FAM234A: variants seen among roughly 807,000 people sequenced by gnomAD.
The protein encoded by FAM234A is protein FAM234A.
In FAM234A, 42 loss-of-function variants were observed where a neutral mutation model predicts 49.1. That is an observed-to-expected ratio of 0.86 (90% CI 0.67 to 1.11). FAM234A has a LOEUF of 1.11. Among genes scored for constraint, FAM234A ranks in the 50% least tolerant of loss-of-function variants. FAM234A has a pLI of 0.00. For missense variants in FAM234A, 815 were observed against 745.2 expected (o/e 1.09, Z -1.09); for synonymous variants, 369 against 316.2 (o/e 1.17, Z -1.77).
At chr16:247,213 C>T (rs1438285986) in intron 1 of FAM234A, 3 of 152,014 alleles carry the variant, frequency 2.0e-5, no homozygotes, top group Non-Finnish European at 2.9e-5. Context: ...TCATTGCAGC[C>T]TCCACTTCCT....
chr16:261,946 G>T, intron 6 of FAM234A, 147 bp from the exon 7 acceptor site: 1 of 1,106,800 alleles, frequency 9.0e-7, no homozygotes. Context: ...CCATTGTAGA[G>T]TGCCCCGCCC....
At chr16:267,880 G>A (rs1283438775), downstream of FAM234A, among the ~76,000 whole-genome samples, 25 of 107,066 alleles carry the variant, frequency 2.3e-4, no homozygotes, top group Middle Eastern at 0.013. Flanking sequence ...CATCCTACAC[G>A]ACACATGCAC....
chr16:237,951 G>C (rs113188686), intron 1 of FAM234A, among the ~76,000 whole-genome samples: 1 of 151,848 alleles, frequency 6.6e-6, no homozygotes, highest in African/African-American at 2.4e-5. Context: ...TGATCCTCCC[G>C]CCTCGGCCTC....
intron 1 of FAM234A, among the ~76,000 whole-genome samples, chr16:236,929 A>G (rs148914514): frequency 6.6e-6 from 1 of 150,696 alleles, no homozygotes; most frequent in Non-Finnish European, 1.5e-5. Context: ...ATAAATAAAT[A>G]AATTATTTTG....
rs181643629 is a variant in FAM234A at position 241,350 on chromosome 16, G to C, written c.-140+6493G>C. ...TCATTCTAGCACTTCGGGAGGCAGA[G>C]GTGGGAGGATCACATGAACCCAGGA... is the stretch of plus-strand genomic sequence containing the variant. On this transcript the variant is annotated intron_variant, in intron 1 of 12. Coordinates refer to ENST00000399932, the MANE Select transcript of FAM234A (RefSeq NM_032039.4). 2.4e-3 allele frequency among the ~76,000 whole-genome samples: 358 copies of C among 152,214 alleles called. 1 individual carries two copies. Among genetic ancestry groups the C allele is most frequent in the African/African-American group, 7.8e-3 (323 of 41,546 alleles).
At chr16:241,092 G>A (rs1223394745) in intron 1 of FAM234A, among the ~76,000 whole-genome samples, 1 of 151,784 alleles carries the variant, frequency 6.6e-6, no homozygotes, top group Non-Finnish European at 1.5e-5. Flanking sequence ...GCTAGTTTTT[G>A]TATTTTTTTG....
intron 2 of FAM234A, among the ~76,000 whole-genome samples, chr16:250,222 C>T (rs970466917): frequency 2.6e-5 from 4 of 152,238 alleles, no homozygotes; most frequent in East Asian, 1.9e-4. Flanking sequence ...TGAGCCACCG[C>T]GCCCGGCCAG....
intron 6 of FAM234A, among the ~76,000 whole-genome samples, chr16:261,802 G>A (rs1462523137): frequency 6.6e-6 from 1 of 152,214 alleles, no homozygotes; most frequent in Non-Finnish European, 1.5e-5. Context: ...CACCTGTGAG[G>A]CACTGGGGCT....
Position 262,467 on chromosome 16 carries a change from G to A in FAM234A, c.885G>A (p.Lys295=), listed in dbSNP as rs1318602718. ...GCTCTGTGAAGGGTCTCTACGAGAA[G>A]GTGACCGGGAGCGGCGGCCCGTTCA... ...CGCSVKGLYE[K]VTGSGGPFKS... is the part of the protein sequence containing the mutation. Residue 295 remains lysine (K), a synonymous_variant, in exon 8 of 13, where the codon AAG becomes AAA. Coordinates refer to ENST00000399932, the MANE Select transcript of FAM234A (RefSeq NM_032039.4). 3 of 1,612,336 alleles carry A rather than the reference G, an allele frequency of 1.9e-6. No individual in the cohort carries two copies. The highest frequency in any genetic ancestry group is 2.5e-6 in the Non-Finnish European group (3 of 1,179,150).
intron 2 of FAM234A, among the ~76,000 whole-genome samples, chr16:252,026 T>C (rs1187651532): frequency 3.0e-5 from 4 of 132,978 alleles, no homozygotes; most frequent in Non-Finnish European, 6.4e-5. Flanking sequence ...AAAAAAGAGA[T>C]GGGTCTCTCT....
At chr16:244,264 G>T (rs139780688) in intron 1 of FAM234A, among the ~76,000 whole-genome samples, 5 of 152,218 alleles carry the variant, frequency 3.3e-5, no homozygotes, top group African/African-American at 9.6e-5. Context: ...CACCGCGCCC[G>T]GTCGGAAAAT....
intron 3 of FAM234A, among the ~76,000 whole-genome samples, chr16:255,815 C>T (rs944726251): frequency 9.9e-5 from 15 of 152,264 alleles, no homozygotes; most frequent in African/African-American, 3.6e-4. Flanking sequence ...AGGCATGCAC[C>T]ACCACGCCCA....
chr16:252,178 G>GTTTTTTTTT (rs1368906456), intron 2 of FAM234A, among the ~76,000 whole-genome samples: 2 of 126,060 alleles, frequency 1.6e-5, no homozygotes, highest in Non-Finnish European at 3.2e-5. Context: ...CTGTTTTTCT[G>GTTTTTTTTT]TTTTTTGTTT....
chr16:242,377 C>G (rs1319262245), intron 1 of FAM234A, among the ~76,000 whole-genome samples: 1 of 152,060 alleles, frequency 6.6e-6, no homozygotes, highest in East Asian at 1.9e-4. Context: ...AACATACCCA[C>G]CTAATTTTGT....
Position 264,859 on chromosome 16 carries a change from G to A in FAM234A, c.1496G>A (p.Gly499Asp). The change falls in exon 13 of 13, where the codon GGC becomes GAC. Residue 499 changes from glycine to aspartate, a missense_variant. Coordinates refer to ENST00000399932, the MANE Select transcript of FAM234A (RefSeq NM_032039.4). ...CACGCCGCCTACATCCTTCTGACAG[G>A]CCCGGCAGACTCAGAGGCACCCGGC... ...SRHAAYILLTGPADSEAPGLV... is the reference protein window; with the variant it reads ...SRHAAYILLTDPADSEAPGLV... 6.2e-7 allele frequency: 1 copy of A among 1,612,086 alleles called. No homozygotes were observed. The highest frequency in any genetic ancestry group is 8.5e-7 in the Non-Finnish European group (1 of 1,179,930).
rs942003399 is a variant in FAM234A at position 265,709 on chromosome 16, C to G, written c.*687C>G. On this transcript the variant is annotated 3_prime_UTR_variant, in exon 13 of 13. Transcript: ENST00000399932. ...CCTGCTCTGGAGCTGAGCCCGTGGC[C>G]GCTCACAGGTGTCCTTAGTGGTGTT... 29 of 985,514 alleles carry G rather than the reference C, an allele frequency of 2.9e-5. No individual in the cohort carries two copies. In the East Asian group the frequency reaches 2.3e-3, roughly 77 times the overall value. 61.0% of individuals were successfully genotyped at this position (985,514 alleles called of 1,614,324 possible).
At chr16:238,557 G>A (rs1431248849) in intron 1 of FAM234A, among the ~76,000 whole-genome samples, 3 of 152,014 alleles carry the variant, frequency 2.0e-5, no homozygotes, top group Non-Finnish European at 2.9e-5. Context: ...ATGAGGTCAG[G>A]AGATCGAGAC....
intron 1 of FAM234A, among the ~76,000 whole-genome samples, chr16:247,585 C>T (rs2050857862): frequency 6.6e-6 from 1 of 151,818 alleles, no homozygotes; most frequent in South Asian, 2.1e-4. Flanking sequence ...GTGCCCGCCA[C>T]CACGCCCGAC....
chr16:260,607 C>T (rs1361155704), intron 5 of FAM234A: 4 of 474,408 alleles, frequency 8.4e-6, no homozygotes. Flanking sequence ...CCCAGCGGAG[C>T]CGGCCTCGTG....
Sources: gnomAD v4.1 joint callset for allele counts (sites outside exome capture counted in the v4.1 genomes callset) on GRCh38, gnomAD v4.1.1 for gene constraint, MANE v1.5 for transcripts, NCBI Gene and HGNC (gene_info 2026-07-23, HGNC 2026-07-21) for gene names.